MGAT5: variants seen among roughly 807,000 people sequenced by gnomAD.
MGAT5 encodes the protein alpha-1,6-mannosylglycoprotein 6-beta-N-acetylglucosaminyltransferase.
MGAT5 carries 30 observed loss-of-function variants against 94.3 expected under a neutral mutation model. That is an observed-to-expected ratio of 0.32 (90% CI 0.24 to 0.43). The LOEUF is 0.43. Among genes scored for constraint, MGAT5 ranks in the 20% least tolerant of loss-of-function variants. MGAT5 has a pLI of 1.00. For synonymous variants in MGAT5, 310 were observed against 322.9 expected (o/e 0.96, Z 0.43); for missense variants, 691 against 905.5 (o/e 0.76, Z 3.04).
chr2:134,309,446 A>G (rs1489354177), intron 2 of MGAT5, among the ~76,000 whole-genome samples: 1 of 152,188 alleles, frequency 6.6e-6, no homozygotes, highest in African/African-American at 2.4e-5. Context: ...TGAGGGTTCT[A>G]CTTTCTTTAC....
rs1357931070 is a variant in MGAT5, at chr2:134,341,654, G to T, written c.872G>T (p.Ser291Ile). Reference protein sequence around the residue: ...SGFKIAETAFSGGPLGELVQW... With the variant: ...SGFKIAETAFIGGPLGELVQW... ...TTTAAGATTGCAGAGACAGCTTTCA[G>T]TGGTGGCCCTCTTGGTGAATTAGTT... is the stretch of plus-strand genomic sequence containing the variant. Residue 291 changes from serine to isoleucine, a missense_variant, in exon 7 of 16, where the codon AGT (serine) becomes ATT (isoleucine). Transcript: ENST00000281923. The T allele has an allele frequency of 6.2e-7, 1 of 1,613,604 alleles. No homozygotes were observed. The highest frequency in any genetic ancestry group is 1.1e-5 in the South Asian group (1 of 91,060).
intron 10 of MGAT5, among the ~76,000 whole-genome samples, chr2:134,395,719 AC>A (rs1233921778): frequency 1.3e-5 from 2 of 152,154 alleles, no homozygotes; most frequent in African/African-American, 4.8e-5. Context: ...TTTCCGTACC[AC>A]CCATTTAGCC....
intron 1 of MGAT5, among the ~76,000 whole-genome samples, chr2:134,199,475 C>T (rs990375674): frequency 8.0e-5 from 12 of 150,798 alleles, no homozygotes; most frequent in Non-Finnish European, 1.5e-4. Context: ...CTGCTGGCTG[C>T]AACTGTATTT....
At chr2:134,368,594 C>T (rs1417678138) in intron 10 of MGAT5, among the ~76,000 whole-genome samples, 1 of 152,218 alleles carries the variant, frequency 6.6e-6, no homozygotes, top group Non-Finnish European at 1.5e-5. Context: ...CTGCTCCTGC[C>T]CTTTTCTACT....
At chr2:134,254,043 AAC>A (rs1317709652), upstream of MGAT5, among the ~76,000 whole-genome samples, 1 of 152,202 alleles carries the variant, frequency 6.6e-6, no homozygotes, top group African/African-American at 2.4e-5. Flanking sequence ...TACACCTGTT[AAC>A]ACACGCAGAC....
chr2:134,248,396 T>C (rs1311249263), intron 1 of MGAT5, among the ~76,000 whole-genome samples: 3 of 152,208 alleles, frequency 2.0e-5, no homozygotes, highest in Non-Finnish European at 4.4e-5. Context: ...CACGAACTGC[T>C]ATGAGTTACG....
intron 1 of MGAT5, among the ~76,000 whole-genome samples, chr2:134,262,421 T>A (rs1158934381): frequency 1.3e-5 from 2 of 151,828 alleles, no homozygotes; most frequent in Non-Finnish European, 2.9e-5. Flanking sequence ...ACAAAAGTTT[T>A]TTTCTGAAGA....
chr2:134,244,016 G>T (rs1682103171), intron 1 of MGAT5, among the ~76,000 whole-genome samples: 2 of 152,138 alleles, frequency 1.3e-5, no homozygotes, highest in East Asian at 3.9e-4. Context: ...GTCATTCTTG[G>T]TTTTTTTTCT....
chr2:134,201,728 C>T (rs1679795265), intron 1 of MGAT5, among the ~76,000 whole-genome samples: 2 of 151,410 alleles, frequency 1.3e-5, no homozygotes, highest in South Asian at 4.2e-4. Context: ...AATGGTTGTC[C>T]AGGGTGGCCT....
chr2:134,386,805 A>G (rs1374952267), intron 10 of MGAT5, among the ~76,000 whole-genome samples: 1 of 152,256 alleles, frequency 6.6e-6, no homozygotes, highest in Non-Finnish European at 1.5e-5. Context: ...AAAAGGGGAT[A>G]TCTTTGCATT....
rs77934178 is a variant in MGAT5, at chr2:134,381,086, A to G, written c.1380+18678A>G. ...GAAGTCCTTGCATATAGAAGAGCCCATGCAATCATTTGTGGAAATGAATTC... is the reference window on the plus strand; with the variant it reads ...GAAGTCCTTGCATATAGAAGAGCCCGTGCAATCATTTGTGGAAATGAATTC... On this transcript the variant is annotated intron_variant, in intron 10 of 15. Coordinates refer to ENST00000281923, the MANE Select transcript of MGAT5 (RefSeq NM_002410.5). Among the ~76,000 whole-genome samples the G allele has an allele frequency of 5.1e-3, 776 of 152,154 alleles. 10 individuals are homozygous for G. Among genetic ancestry groups the G allele is most frequent in the African/African-American group, 0.018 (743 of 41,522 alleles).
intron 2 of MGAT5, among the ~76,000 whole-genome samples, chr2:134,315,105 G>A (rs752403199): frequency 3.3e-5 from 5 of 152,176 alleles, no homozygotes; most frequent in Non-Finnish European, 7.3e-5. Flanking sequence ...CAGCCCTGGG[G>A]CGTTGCTTGC....
rs536611696 is a variant in MGAT5, at chr2:134,197,525, A to G, written c.-142-56737A>G. 2.5e-4 allele frequency among the ~76,000 whole-genome samples: 38 copies of G among 152,330 alleles called. No individual in the cohort carries two copies. The South Asian group carries it at 5.2e-3, about 21-fold the overall frequency. ...CTTGAACCTCCTGGTATAACTTGCT[A>G]TCCTTTGGAGTCAAAGACGATGATG... On this transcript the variant is annotated intron_variant, in intron 1 of 16. Transcript: ENST00000409645.
At chr2:134,162,645 C>T (rs1215508700) in intron 1 of MGAT5, among the ~76,000 whole-genome samples, 2 of 152,210 alleles carry the variant, frequency 1.3e-5, no homozygotes, top group Non-Finnish European at 2.9e-5. Flanking sequence ...AACCCAGGTT[C>T]GTTCTGTCCT....
At chr2:134,287,299 C>T (rs1458788078) in intron 2 of MGAT5, among the ~76,000 whole-genome samples, 1 of 152,130 alleles carries the variant, frequency 6.6e-6, no homozygotes, top group Non-Finnish European at 1.5e-5. Context: ...AACAAAAATC[C>T]TATTCTTGCT....
rs76924147 is a variant in MGAT5, at chr2:134,164,719, A to G, written c.-143+44428A>G. Among the ~76,000 whole-genome samples the G allele has an allele frequency of 3.0e-4, 46 of 152,172 alleles. No homozygotes were observed. The East Asian group carries it at 8.7e-3, about 29-fold the overall frequency. On this transcript the variant is annotated intron_variant, in intron 1 of 16. Transcript: ENST00000409645. ...CTCCAGAAATGTTATTCGTTAAAAG[A>G]TGAGATGTGCTGAGACAAGAGGATC...
intron 1 of MGAT5, among the ~76,000 whole-genome samples, chr2:134,121,984 A>AT (rs1426366454): frequency 6.6e-6 from 1 of 151,902 alleles, no homozygotes; most frequent in Non-Finnish European, 1.5e-5. Flanking sequence ...TGGTGAATGA[A>AT]TTTTCACCCT....
intron 2 of MGAT5, among the ~76,000 whole-genome samples, chr2:134,291,372 A>AAG (rs1685353052): frequency 6.6e-6 from 1 of 152,186 alleles, no homozygotes; most frequent in Non-Finnish European, 1.5e-5. Flanking sequence ...GCTAACCAGG[A>AAG]AGAGGGTCCT....
intron 1 of MGAT5, among the ~76,000 whole-genome samples, chr2:134,238,424 A>G (rs1289751933): frequency 6.6e-6 from 1 of 152,222 alleles, no homozygotes; most frequent in African/African-American, 2.4e-5. Flanking sequence ...GGAGAGGTTC[A>G]GAGGAGAAGC....
Sources: allele counts gnomAD v4.1 joint callset (sites outside exome capture counted in the v4.1 genomes callset), GRCh38; gene constraint gnomAD v4.1.1; transcripts MANE v1.5; gene names NCBI Gene and HGNC (gene_info 2026-07-23, HGNC 2026-07-21).